VPS13A: variants seen among roughly 807,000 people sequenced by gnomAD.
VPS13A encodes the protein intermembrane lipid transfer protein VPS13A.
Under a neutral mutation model 390.9 loss-of-function variants are expected in VPS13A, and 264 were observed. The ratio of observed to expected loss-of-function variants is 0.68; its 90% CI spans 0.61 to 0.75. VPS13A has a LOEUF of 0.75. Ranked by LOEUF, VPS13A falls within the 30% of genes least tolerant of loss-of-function variation. The pLI is 0.00. For synonymous variants in VPS13A, 1,231 were observed against 1,227.1 expected (o/e 1.00, Z -0.07); for missense variants, 3,409 against 3,733.9 (o/e 0.91, Z 2.27).
rs1828869767 is a variant in VPS13A, at chr9:77,308,052, C to T, written c.4068C>T (p.Tyr1356=). 3 of 1,613,770 alleles carry T rather than the reference C, an allele frequency of 1.9e-6. No homozygotes were observed. Among genetic ancestry groups the T allele is most frequent in the Admixed American group, 1.7e-5 (1 of 59,994 alleles). The change falls in exon 35 of 72, where the codon TAC becomes TAT. Residue 1356 remains tyrosine (Y), a synonymous_variant. Transcript: ENST00000360280. ...SASPAVTKDQ[Y]SATSGVTTNA... ...CACCTGCTGTAACAAAAGACCAATA[C>T]AGTGCCACTAGTGGAGTTACTACTA... is the stretch of plus-strand genomic sequence containing the variant.
rs879690708 is a variant in VPS13A, at chr9:77,280,066, C to T, written c.2825-93C>T. The T allele has an allele frequency of 2.0e-5, 19 of 954,356 alleles. No individual in the cohort carries two copies. In the Admixed American group the frequency reaches 4.0e-4, roughly 20 times the overall value. 59.1% of individuals were successfully genotyped at this position (954,356 alleles called of 1,614,324 possible). A position where few individuals can be genotyped will look rare whatever the true frequency, so the allele number is the denominator to read the frequency against. ...AGGTCCAGAACTCATATAGGAAAGCCTTCTTTTGCAATTACATAATTAATA... is the reference window on the plus strand; with the variant it reads ...AGGTCCAGAACTCATATAGGAAAGCTTTCTTTTGCAATTACATAATTAATA... On this transcript the variant is annotated intron_variant, in intron 26 of 71. Transcript: ENST00000360280.
intron 32 of VPS13A, among the ~76,000 whole-genome samples, chr9:77,294,991 A>G (rs1827896322): frequency 6.6e-6 from 1 of 151,672 alleles, no homozygotes. Flanking sequence ...TTTTATAACC[A>G]AAAAAATCAT....
intron 68 of VPS13A, among the ~76,000 whole-genome samples, chr9:77,402,750 T>C (rs1834443104): frequency 6.6e-6 from 1 of 152,220 alleles, no homozygotes; most frequent in African/African-American, 2.4e-5. Context: ...CCAGAAACTC[T>C]CTGCTCTTTA....
intron 1 of VPS13A, among the ~76,000 whole-genome samples, chr9:77,179,193 G>T (rs1256634404): frequency 6.6e-6 from 1 of 152,188 alleles, no homozygotes; most frequent in South Asian, 2.1e-4. Context: ...CAGGGTGGAG[G>T]TTTGTCTAGA....
At chr9:77,225,323 G>A (rs138326565) in intron 13 of VPS13A, among the ~76,000 whole-genome samples, 165 of 152,262 alleles carry the variant, frequency 1.1e-3, no homozygotes, top group Admixed American at 2.1e-3. Context: ...AGGTTGGAGT[G>A]CAGTGGCACC....
chr9:77,286,637 G>T (rs965616351), intron 31 of VPS13A, among the ~76,000 whole-genome samples: 1 of 152,094 alleles, frequency 6.6e-6, no homozygotes, highest in African/African-American at 2.4e-5. Context: ...TCGCTTCTAA[G>T]AACTTTGCCA....
intron 23 of VPS13A, among the ~76,000 whole-genome samples, chr9:77,270,752 C>T (rs892460574): frequency 2.0e-5 from 3 of 152,062 alleles, no homozygotes; most frequent in African/African-American, 7.2e-5. Flanking sequence ...TACAAAGATG[C>T]CAGCCTAGCT....
At chr9:77,274,360 G>A (rs953967316) in intron 24 of VPS13A, among the ~76,000 whole-genome samples, 14 of 151,304 alleles carry the variant, frequency 9.3e-5, no homozygotes, top group Admixed American at 3.9e-4. Flanking sequence ...CCCAGGAGGC[G>A]GAGGTTGCAG....
chr9:77,308,689 C>T (rs1828903343), intron 35 of VPS13A, among the ~76,000 whole-genome samples: 1 of 152,120 alleles, frequency 6.6e-6, no homozygotes, highest in African/African-American at 2.4e-5. Flanking sequence ...GAGCTCAGCA[C>T]CAGCGCATAC....
chr9:77,323,213 C>T lies in VPS13A; in HGVS notation c.5977C>T (p.Arg1993Cys), dbSNP rs748655471. ...TVEGSKKVTI[R>C]SPVQIRNHFS... Reference sequence around the variant, plus strand: ...AGAAGGAAGTAAGAAGGTCACAATTCGCTCCCCAGTGCAGGTATGAAATGA... The same window carrying T: ...AGAAGGAAGTAAGAAGGTCACAATTTGCTCCCCAGTGCAGGTATGAAATGA... The change falls in exon 45 of 72, where the codon CGC (arginine) becomes TGC (cysteine). Residue 1993 changes from arginine (R) to cysteine (C), a missense_variant. This residue lies in a region of VPS13A where 2,717 missense variants were observed against 2,917.4 expected (regional missense o/e 0.93). Coordinates refer to ENST00000360280, the MANE Select transcript of VPS13A (RefSeq NM_033305.3). 7.4e-6 allele frequency: 12 copies of T among 1,612,934 alleles called. No homozygotes were observed. Among genetic ancestry groups the T allele is most frequent in the African/African-American group, 1.3e-5 (1 of 74,830 alleles).
At chr9:77,403,953 C>G (rs188546594) in intron 69 of VPS13A, among the ~76,000 whole-genome samples, 1 of 152,206 alleles carries the variant, frequency 6.6e-6, no homozygotes, top group Admixed American at 6.5e-5. Context: ...AATTGTCAAT[C>G]TATGGTTTTG....
At chr9:77,233,962 C>A (rs913320739) in intron 17 of VPS13A, among the ~76,000 whole-genome samples, 1 of 152,026 alleles carries the variant, frequency 6.6e-6, no homozygotes, top group African/African-American at 2.4e-5. Context: ...CCTAAATATT[C>A]CTCATTTAAT....
At chr9:77,198,749 C>T (rs762271166) in intron 1 of VPS13A, among the ~76,000 whole-genome samples, 7 of 152,002 alleles carry the variant, frequency 4.6e-5, no homozygotes, top group African/African-American at 7.3e-5. Context: ...CTGCAACCTC[C>T]GCCTCCTGGG....
intron 69 of VPS13A, 55 bp downstream of exon 69, chr9:77,403,376 T>A: frequency 7.3e-7 from 1 of 1,379,030 alleles, no homozygotes; most frequent in Non-Finnish European, 1.0e-6. Flanking sequence ...TGACAGCGAC[T>A]CATGAGGTGA....
intron 68 of VPS13A, among the ~76,000 whole-genome samples, chr9:77,401,658 C>A (rs910794516): frequency 1.3e-5 from 2 of 152,132 alleles, no homozygotes; most frequent in East Asian, 3.8e-4. Context: ...AATTTCTACT[C>A]ATGATGCTTC....
chr9:77,214,235 C>T (rs1429646245), intron 9 of VPS13A, 94 bp from the exon 10 acceptor site: 2 of 1,057,070 alleles, frequency 1.9e-6, no homozygotes, highest in East Asian at 5.0e-5. Flanking sequence ...GAGATTGCAC[C>T]ACTGCCCTCC....
intron 31 of VPS13A, among the ~76,000 whole-genome samples, chr9:77,286,249 T>G (rs912631152): frequency 2.0e-5 from 3 of 152,190 alleles, no homozygotes. Flanking sequence ...ATAGCCACTT[T>G]CTAGCTTGCA....
At chr9:77,292,291 C>A (rs1026792161) in intron 31 of VPS13A, among the ~76,000 whole-genome samples, 2 of 152,088 alleles carry the variant, frequency 1.3e-5, no homozygotes, top group African/African-American at 4.8e-5. Flanking sequence ...TTATTCTTAC[C>A]TATATTGTAT....
intron 71 of VPS13A, among the ~76,000 whole-genome samples, chr9:77,408,915 A>C (rs1214162983): frequency 2.6e-5 from 4 of 152,200 alleles, no homozygotes. Flanking sequence ...TGCAGACTTA[A>C]ATGTCCCTGT....
Sources: allele counts gnomAD v4.1 joint callset (sites outside exome capture counted in the v4.1 genomes callset), GRCh38; gene constraint gnomAD v4.1.1; regional missense constraint gnomAD v4.1.1; transcripts MANE v1.5; gene names NCBI Gene and HGNC (gene_info 2026-07-23, HGNC 2026-07-21).